Variants in PPFIA3 observed in about 807,000 individuals in gnomAD.
PPFIA3 encodes liprin-alpha-3.
A neutral mutation model predicts 145.8 loss-of-function variants in PPFIA3; 26 were observed. The ratio of observed to expected loss-of-function variants is 0.18; its 90% CI spans 0.13 to 0.25. PPFIA3 has a LOEUF of 0.25. Among genes scored for constraint, PPFIA3 ranks in the 10% least tolerant of loss-of-function variants. PPFIA3 has a pLI of 1.00. For synonymous variants in PPFIA3, 645 were observed against 661.4 expected (o/e 0.98, Z 0.38); for missense variants, 1,008 against 1,587.8 (o/e 0.63, Z 6.21).
At chr19:49,137,022 A>G in intron 15 of PPFIA3, 111 bp downstream of exon 15, 4 of 1,073,578 alleles carry the variant, frequency 3.7e-6, no homozygotes, top group Non-Finnish European at 5.1e-6. Flanking sequence ...CACCATCCAC[A>G]AGGAATTCTT....
Position 49,150,057 on chromosome 19 carries a change from A to G in PPFIA3, c.3527-23A>G, listed in dbSNP as rs754174844. The G allele has an allele frequency of 1.9e-6, 3 of 1,600,310 alleles. No homozygotes were observed. In the African/African-American group the frequency reaches 4.0e-5, roughly 21 times the overall value. Reference sequence around the variant, plus strand: ...CAGGGAGGAGGGTGCTCCAGGCTGAACCGCTGCTCGCTCTCCCTCCAGGCC... The same window carrying G: ...CAGGGAGGAGGGTGCTCCAGGCTGAGCCGCTGCTCGCTCTCCCTCCAGGCC... On this transcript the variant is annotated intron_variant, in intron 28 of 29. Coordinates refer to ENST00000334186, the MANE Select transcript of PPFIA3 (RefSeq NM_003660.4).
chr19:49,126,318 G>A (rs1187452952), intron 1 of PPFIA3, among the ~76,000 whole-genome samples: 1 of 150,980 alleles, frequency 6.6e-6, no homozygotes. Context: ...GTGCTATCTC[G>A]GCTCACTCTA....
intron 23 of PPFIA3, chr19:49,146,479 A>G: frequency 1.9e-6 from 1 of 527,938 alleles, no homozygotes; most frequent in East Asian, 3.2e-5. Flanking sequence ...GTAGCTCAGG[A>G]GAGACTGAGC....
At chr19:49,145,318 A>C (rs776796336) in intron 21 of PPFIA3, among the ~76,000 whole-genome samples, 3 of 152,188 alleles carry the variant, frequency 2.0e-5, no homozygotes, top group African/African-American at 7.2e-5. Flanking sequence ...AAGTGCTGGC[A>C]CTACAGGTGT....
Position 49,141,460 on chromosome 19 carries a change from G to T in PPFIA3, c.2409G>T (p.Leu803=). 1 of 1,614,096 alleles carries T rather than the reference G, an allele frequency of 6.2e-7. No homozygotes were observed. Among genetic ancestry groups the T allele is most frequent in the Non-Finnish European group, 8.5e-7 (1 of 1,180,000 alleles). ...PSDETLATDP[L]GLAKLTGPGD... is the part of the protein sequence containing the mutation. ...ATGAGACACTGGCCACTGACCCTCT[G>T]GGGCTAGCCAAGCTGACAGGCCCAG... The change falls in exon 19 of 30, where the codon CTG becomes CTT. Residue 803 remains leucine (L), a synonymous_variant. Coordinates refer to ENST00000334186, the MANE Select transcript of PPFIA3 (RefSeq NM_003660.4).
rs916117252 is a variant in PPFIA3, at chr19:49,128,403, C to G, written c.277C>G (p.Arg93Gly). 4 of 1,595,386 alleles carry G rather than the reference C, an allele frequency of 2.5e-6. No individual in the cohort carries two copies. The highest frequency in any genetic ancestry group is 3.4e-6 in the Non-Finnish European group (4 of 1,169,650). ...TCTGACGAAGGAGCTGAACTTATGT[C>G]GGGAGCAGCTGCTGGAGAGGGAGGA... ...AALTKELNLC[R>G]EQLLEREEEI... is the part of the protein sequence containing the mutation. Residue 93 changes from arginine to glycine, a missense_variant, in exon 3 of 30, where the codon CGG (arginine) becomes GGG (glycine). Physicochemically the swap from Arg to Gly is moderately radical, Grantham distance 125 (BLOSUM62 -2). Transcript: ENST00000334186. This position sits in a 1 kb window ranked among gnomAD's most constrained non-coding sequence, Gnocchi z 4.1.
At chr19:49,145,592 C>G (rs527484342) in intron 21 of PPFIA3, 1 of 305,536 alleles carries the variant, frequency 3.3e-6, no homozygotes, top group South Asian at 3.8e-5. Context: ...GAACCCCCCC[C>G]GCCATACTCC....
intron 15 of PPFIA3, 37 bp from the exon 16 acceptor site, chr19:49,138,168 C>T (rs180798452): frequency 1.4e-5 from 22 of 1,521,096 alleles, no homozygotes; most frequent in South Asian, 1.3e-4. Flanking sequence ...CTGTCTGCTG[C>T]GGCCCCTCAC....
At position 49,150,080 on chromosome 19, in the gene PPFIA3, G is replaced by A. The variant is rs1378159089; in HGVS notation, c.3527G>A (p.Gly1176Asp). Reference sequence around the variant, plus strand: ...GAACCGCTGCTCGCTCTCCCTCCAGGCCAGACTTCTGGGAGTTCCCGGGCA... The same window carrying A: ...GAACCGCTGCTCGCTCTCCCTCCAGACCAGACTTCTGGGAGTTCCCGGGCA... ...GLPLRKLQPEGQTSGSSRADG... is the reference protein window; with the variant it reads ...GLPLRKLQPEDQTSGSSRADG... Residue 1176 changes from glycine (G) to aspartate (D), a missense_variant and splice_region_variant, in exon 29 of 30, where the codon GGC (glycine) becomes GAC (aspartate). By Grantham distance (94) the Gly-to-Asp change is moderately conservative (BLOSUM62 -1). Around this residue, in one of 11 missense-constraint regions of PPFIA3, gnomAD observed 125 missense variants for 159.3 expected, o/e 0.78. Transcript: ENST00000334186. 2 of 1,608,908 alleles carry A rather than the reference G, an allele frequency of 1.2e-6. No individual in the cohort carries two copies. The highest frequency in any genetic ancestry group is 1.1e-5 in the South Asian group (1 of 89,460).
chr19:49,149,289 C>T lies in PPFIA3; in HGVS notation c.3318C>T (p.Asn1106=), dbSNP rs768162891. 3 of 1,614,196 alleles carry T rather than the reference C, an allele frequency of 1.9e-6. No individual in the cohort carries two copies. Among genetic ancestry groups the T allele is most frequent in the Non-Finnish European group, 2.5e-6 (3 of 1,180,044 alleles). ...AGCTTCTGGAGAAGGAATTCAGCAA[C>T]CTTATCTCCTTAGGCACAGACAGGC... ...ARQLLEKEFS[N]LISLGTDRRL... The change falls in exon 27 of 30, where the codon AAC becomes AAT. Residue 1106 remains asparagine (N), a synonymous_variant. Coordinates refer to ENST00000334186, the MANE Select transcript of PPFIA3 (RefSeq NM_003660.4). The surrounding 1 kb of genome is among the most constrained non-coding windows in gnomAD (Gnocchi z 5.7).
chr19:49,147,306 A>G (rs563855458), intron 23 of PPFIA3, among the ~76,000 whole-genome samples: 4 of 152,252 alleles, frequency 2.6e-5, no homozygotes, highest in East Asian at 1.9e-4. Flanking sequence ...AGTCTCAGCT[A>G]CTTGGAAGAC....
chr19:49,129,348 C>T, intron 4 of PPFIA3, 32 bp from the exon 5 acceptor site: 1 of 1,547,250 alleles, frequency 6.5e-7, no homozygotes. Flanking sequence ...GATCTTGTCT[C>T]CAGCTGACTG....
chr19:49,132,365 G>A (rs2041084152), intron 7 of PPFIA3, among the ~76,000 whole-genome samples: 1 of 139,458 alleles, frequency 7.2e-6, no homozygotes, highest in Non-Finnish European at 1.5e-5. Flanking sequence ...CTCTAGCCTG[G>A]GTGACGGAGC....
At chr19:49,127,383 TAAAAAAAAAAAAAAA>T (rs34030131) in intron 1 of PPFIA3, among the ~76,000 whole-genome samples, 1 of 28,614 alleles carries the variant, frequency 3.5e-5, no homozygotes, top group East Asian at 1.2e-3. Context: ...TCACTCCAGC[TAAAAAAAAAAAAAAA>T]AAAAAAAAAG....
intron 13 of PPFIA3, 73 bp downstream of exon 13, chr19:49,134,988 TC>T: frequency 7.7e-7 from 1 of 1,295,954 alleles, no homozygotes; most frequent in South Asian, 1.5e-5. Context: ...TCCCTTCTGA[TC>T]CCCACTTCCT....
intron 13 of PPFIA3, 94 bp from the exon 14 acceptor site, chr19:49,135,685 C>G: frequency 7.3e-7 from 1 of 1,368,526 alleles, no homozygotes; most frequent in Non-Finnish European, 9.8e-7. Context: ...ACCTTGACTT[C>G]AGGACCCCTG....
intron 5 of PPFIA3, 107 bp from the exon 6 acceptor site, chr19:49,129,886 G>C (rs923702936): frequency 8.6e-7 from 1 of 1,169,258 alleles, no homozygotes; most frequent in Non-Finnish European, 1.2e-6. Context: ...ACGACCGGAG[G>C]CATCTCATAT....
At chr19:49,124,950 G>A (rs781035393) in intron 1 of PPFIA3, among the ~76,000 whole-genome samples, 5 of 152,024 alleles carry the variant, frequency 3.3e-5, no homozygotes, top group Non-Finnish European at 7.4e-5. Context: ...GCCTGTAGTC[G>A]CAGTTACTTG....
rs947516939 is a variant in PPFIA3, at chr19:49,150,309, G to T, written c.*87G>T. On this transcript the variant is annotated 3_prime_UTR_variant, in exon 30 of 30. Transcript: ENST00000334186. ...CTCCTGCCCGGACTGTGGCCTCGCC[G>T]GGGAGAGCGGGCGGGGGAGCTCGCG... 8.3e-6 allele frequency: 6 copies of T among 725,440 alleles called. No homozygotes were observed. Among genetic ancestry groups the T allele is most frequent in the Non-Finnish European group, 1.3e-5 (6 of 454,420 alleles). The allele number at this position is 725,440 out of a possible 1,614,324, so 44.9% of individuals were successfully genotyped here. A position where few individuals can be genotyped will look rare whatever the true frequency, so the allele number is the denominator to read the frequency against.
Sources: allele counts gnomAD v4.1 joint callset (sites outside exome capture counted in the v4.1 genomes callset), GRCh38; gene constraint gnomAD v4.1.1; regional missense constraint gnomAD v4.1.1; non-coding constraint Gnocchi (gnomAD v3.1); transcripts MANE v1.5; gene names NCBI Gene and HGNC (gene_info 2026-07-23, HGNC 2026-07-21).